The following SLC34A2 variants were observed in gnomAD, a reference collection of about 807,000 sequenced individuals.
SLC34A2 encodes the protein sodium-dependent phosphate transport protein 2B.
In SLC34A2, 41 loss-of-function variants were observed where a neutral mutation model predicts 50.8. The observed-to-expected ratio is 0.81, with a 90% confidence interval of 0.63 to 1.05. SLC34A2 has a LOEUF of 1.05. Among genes scored for constraint, SLC34A2 ranks in the 50% least tolerant of loss-of-function variants. The pLI is 0.00. For missense variants in SLC34A2, 879 were observed against 876.7 expected (o/e 1.00, Z -0.03); for synonymous variants, 401 against 364.2 (o/e 1.10, Z -1.15).
chr4:25,658,337 G>A (rs1713997041), intron 1 of SLC34A2, among the ~76,000 whole-genome samples: 1 of 152,146 alleles, frequency 6.6e-6, no homozygotes, highest in Admixed American at 6.5e-5. Context: ...CATTCTGATG[G>A]GAGACTGTGT....
intron 6 of SLC34A2, 40 bp from the exon 7 acceptor site, chr4:25,669,607 C>G: frequency 6.2e-7 from 1 of 1,600,358 alleles, no homozygotes; most frequent in East Asian, 2.2e-5. Context: ...TGCCCACTTG[C>G]TTAGTGACTA....
intron 6 of SLC34A2, among the ~76,000 whole-genome samples, chr4:25,668,284 AC>A (rs1211762432): frequency 2.6e-5 from 4 of 152,226 alleles, no homozygotes; most frequent in Non-Finnish European, 5.9e-5. Flanking sequence ...CATTGAGTTC[AC>A]TAAATAAATG....
At chr4:25,675,955 C>G (rs1291239034) in intron 12 of SLC34A2, among the ~76,000 whole-genome samples, 180 bp from the exon 13 acceptor site, 1 of 152,224 alleles carries the variant, frequency 6.6e-6, no homozygotes, top group Non-Finnish European at 1.5e-5. Flanking sequence ...CTCCCAGACA[C>G]ATAGTAGGTC....
chr4:25,667,694 G>A (rs770242841), intron 5 of SLC34A2, among the ~76,000 whole-genome samples, 186 bp from the exon 6 acceptor site: 21 of 152,170 alleles, frequency 1.4e-4, no homozygotes, highest in Non-Finnish European at 3.1e-4. Flanking sequence ...GGAGGAAGGA[G>A]GAAGCTAGAA....
intron 12 of SLC34A2, among the ~76,000 whole-genome samples, chr4:25,675,363 A>G (rs1236133295): frequency 6.6e-6 from 1 of 152,164 alleles, no homozygotes; most frequent in Non-Finnish European, 1.5e-5. Context: ...CCATTTACAT[A>G]CTAAGTGACC....
chr4:25,663,121 A>C (rs2109049107), intron 3 of SLC34A2, among the ~76,000 whole-genome samples: 1 of 151,838 alleles, frequency 6.6e-6, no homozygotes, highest in South Asian at 2.1e-4. Flanking sequence ...ATTACAGGCT[A>C]ATTTTTGTAT....
In SLC34A2 at chr4:25,674,198, T is replaced by TTACA. The variant is rs1456480265; in HGVS notation, c.1217-98_1217-97insTACA. On this transcript the variant is annotated intron_variant, in intron 10 of 12. Transcript: ENST00000382051. ...CTGTAATCTGAGACCATATATGGGATGATGTACAACCTCACCCCTAAGCCC... is the reference window on the plus strand; with the variant it reads ...CTGTAATCTGAGACCATATATGGGATTACAGATGTACAACCTCACCCCTAAGCCC... 5.0e-5 allele frequency: 40 copies of TTACA among 800,618 alleles called. 1 individual carries two copies. The highest frequency in any genetic ancestry group is 8.4e-5 in the Non-Finnish European group (38 of 451,858). 49.6% of individuals were successfully genotyped at this position (800,618 alleles called of 1,614,324 possible).
At position 25,676,364 on chromosome 4, in the gene SLC34A2, T is replaced by A. The variant is rs1417525170; in HGVS notation, c.1688T>A (p.Val563Asp). 1 of 1,614,162 alleles carries A rather than the reference T, an allele frequency of 6.2e-7. No homozygotes were observed. Among genetic ancestry groups the A allele is most frequent in the Admixed American group, 1.7e-5 (1 of 60,020 alleles). ...RVLVGVGVPV[V>D]FIIILVLCLR... is the part of the protein sequence containing the mutation. Reference sequence around the variant, plus strand: ...CTGGTTGGTGTCGGGGTTCCCGTCGTCTTCATCATCATCCTGGTACTGTGC... The same window carrying A: ...CTGGTTGGTGTCGGGGTTCCCGTCGACTTCATCATCATCCTGGTACTGTGC... The change falls in exon 13 of 13, where the codon GTC becomes GAC. Residue 563 changes from valine (V) to aspartate (D), a missense_variant. Val to Asp is a radical substitution (Grantham distance 152). Coordinates refer to ENST00000382051, the MANE Select transcript of SLC34A2 (RefSeq NM_006424.3).
intron 1 of SLC34A2, among the ~76,000 whole-genome samples, chr4:25,658,900 C>A (rs1714029065): frequency 7.0e-6 from 1 of 142,100 alleles, no homozygotes; most frequent in Admixed American, 7.1e-5. Flanking sequence ...ATTTAATACC[C>A]ACCCCCACCC....
At chr4:25,661,391 A>G (rs1714174305) in intron 1 of SLC34A2, among the ~76,000 whole-genome samples, 1 of 152,122 alleles carries the variant, frequency 6.6e-6, no homozygotes, top group South Asian at 2.1e-4. Context: ...ACCTGCATAT[A>G]CTTATATATT....
intron 1 of SLC34A2, among the ~76,000 whole-genome samples, chr4:25,659,707 G>A (rs1016027587): frequency 6.6e-6 from 1 of 152,162 alleles, no homozygotes; most frequent in African/African-American, 2.4e-5. Flanking sequence ...GTGGCTCAGG[G>A]TTGCATATAG....
intron 5 of SLC34A2, 31 bp downstream of exon 5, chr4:25,666,302 A>T: frequency 6.2e-7 from 1 of 1,612,258 alleles, no homozygotes; most frequent in Non-Finnish European, 8.5e-7. Flanking sequence ...GCCCACCTGC[A>T]TTCCAGACAC....
At chr4:25,657,441 A>G (rs1272884919) in intron 1 of SLC34A2, among the ~76,000 whole-genome samples, 2 of 152,142 alleles carry the variant, frequency 1.3e-5, no homozygotes, top group Admixed American at 1.3e-4. Flanking sequence ...GCAAAGGTAC[A>G]AAAAGAGGGC....
Position 25,667,903 on chromosome 4 carries a change from C to G in SLC34A2, c.547C>G (p.Pro183Ala), listed in dbSNP as rs1388417758. 1 of 1,613,424 alleles carries G rather than the reference C, an allele frequency of 6.2e-7. No individual in the cohort carries two copies. The highest frequency in any genetic ancestry group is 1.7e-5 in the Admixed American group (1 of 60,024). Residue 183 changes from proline to alanine, a missense_variant, in exon 6 of 13, where the codon CCC becomes GCC. By Grantham distance (27) the Pro-to-Ala change is conservative (BLOSUM62 -1). Transcript: ENST00000382051. ...SSLLTVRAAIPIIMGANIGTS... is the reference protein window; with the variant it reads ...SSLLTVRAAIAIIMGANIGTS... ...AGTGCTCACTGTTCGGGCTGCCATC[C>G]CCATTATCATGGGGGCCAACATTGG...
chr4:25,672,960 G>T (rs897964814), intron 9 of SLC34A2, 127 bp from the exon 10 acceptor site: 95 of 990,914 alleles, frequency 9.6e-5, no homozygotes, highest in Non-Finnish European at 1.4e-4. Context: ...TTGATTTGGG[G>T]CTGCCATCTG....
chr4:25,672,743 C>T (rs1714884906), intron 9 of SLC34A2, among the ~76,000 whole-genome samples: 1 of 151,912 alleles, frequency 6.6e-6, no homozygotes, highest in Non-Finnish European at 1.5e-5. Flanking sequence ...CCATCGAATC[C>T]CTCAAAGCAT....
In SLC34A2 at chr4:25,667,968, G is replaced by A; in HGVS notation, c.612G>A (p.Val204=). Residue 204 remains valine (V), a synonymous_variant, in exon 6 of 13, where the codon GTG becomes GTA. Coordinates refer to ENST00000382051, the MANE Select transcript of SLC34A2 (RefSeq NM_006424.3). ...ACACTATTGTTGCGCTCATGCAGGTGGGAGATCGGAGTGAGTTCAGAAGGT... is the reference window on the plus strand; with the variant it reads ...ACACTATTGTTGCGCTCATGCAGGTAGGAGATCGGAGTGAGTTCAGAAGGT... ...ITNTIVALMQ[V]GDRSEFRRAF... The A allele has an allele frequency of 1.2e-6, 2 of 1,612,772 alleles. No individual in the cohort carries two copies. Among genetic ancestry groups the A allele is most frequent in the Admixed American group, 3.3e-5 (2 of 60,020 alleles).
At chr4:25,673,060 C>T (rs771786003) in intron 9 of SLC34A2, 27 bp from the exon 10 acceptor site, 1 of 1,613,718 alleles carries the variant, frequency 6.2e-7, no homozygotes, top group Non-Finnish European at 8.5e-7. Flanking sequence ...CCATGCCCTC[C>T]TGACAAGATT....
intron 12 of SLC34A2, 149 bp downstream of exon 12, chr4:25,674,778 A>T (rs1197833117): frequency 3.1e-6 from 3 of 977,302 alleles, no homozygotes; most frequent in Non-Finnish European, 4.6e-6. Context: ...TAAAGTTTTC[A>T]GGACCTTGAT....
Sources: allele counts gnomAD v4.1 joint callset (sites outside exome capture counted in the v4.1 genomes callset), GRCh38; gene constraint gnomAD v4.1.1; transcripts MANE v1.5; gene names NCBI Gene and HGNC (gene_info 2026-07-23, HGNC 2026-07-21).